The following RIC8B variants were observed in gnomAD, a reference collection of about 807,000 sequenced individuals.
The protein encoded by RIC8B is RIC8 guanine nucleotide exchange factor B, also known as chaperone Ric-8B.
Under a neutral mutation model 57.5 loss-of-function variants are expected in RIC8B, and 16 were observed. The ratio of observed to expected loss-of-function variants is 0.28; its 90% CI spans 0.19 to 0.42. The LOEUF (loss-of-function observed/expected upper bound fraction) is 0.42, where lower values mean the gene tolerates loss of function less well. Among genes scored for constraint, RIC8B ranks in the 10% least tolerant of loss-of-function variants. The probability of loss-of-function intolerance (pLI) is 1.00; values close to 1 mark genes in which losing one functional copy is unlikely to be tolerated. For synonymous variants in RIC8B, 216 were observed against 250.8 expected, an observed-to-expected ratio of 0.86 and a Z score of 1.31; for missense variants, 481 against 677.0, an observed-to-expected ratio of 0.71 and a Z score of 3.21.
intron 2 of RIC8B, among the ~76,000 whole-genome samples, chr12:106,787,171 A>G (rs1398965212): frequency 3.3e-5 from 5 of 152,214 alleles, no homozygotes; most frequent in Non-Finnish European, 7.3e-5. Flanking sequence ...ATTACCAGTT[A>G]CAGTGTGTAG....
At chr12:106,798,138 A>G (rs776845006) in intron 2 of RIC8B, 9 of 618,318 alleles carry the variant, frequency 1.5e-5, no homozygotes, top group African/African-American at 1.1e-4. Flanking sequence ...ACACTTAGGC[A>G]TATCGTAGAT....
rs758690591 is a variant in RIC8B at position 106,803,214 on chromosome 12, T to TAAAAAAAAAAAAAAAAAAAAAAAAAA, written c.133-11482_133-11481insAAAAAAAAAAAAAAAAAAAAAAAAAA. ...GTGACAAGAGTGATGATACCCTGTC[T>TAAAAAAAAAAAAAAAAAAAAAAAAAA]CAAAAAAAAAAAAAAAAAAAAAAAG... On this transcript the variant is annotated intron_variant, in intron 2 of 9. Transcript: ENST00000392837. 2.4e-5 allele frequency among the ~76,000 whole-genome samples: 2 copies of TAAAAAAAAAAAAAAAAAAAAAAAAAA among 84,276 alleles called. 1 individual carries two copies. 55.3% of individuals were successfully genotyped at this position (84,276 alleles called of 152,430 possible). A position where few individuals can be genotyped will look rare whatever the true frequency, so the allele number is the denominator to read the frequency against.
chr12:106,813,064 C>G (rs890510501), intron 2 of RIC8B, among the ~76,000 whole-genome samples: 1 of 151,512 alleles, frequency 6.6e-6, no homozygotes, highest in African/African-American at 2.4e-5. Flanking sequence ...ACTTTTCTGT[C>G]ATTATTCCTT....
chr12:106,868,073 A>G (rs1022530878), intron 8 of RIC8B, among the ~76,000 whole-genome samples: 2 of 152,202 alleles, frequency 1.3e-5, no homozygotes, highest in African/African-American at 4.8e-5. Flanking sequence ...ACCTTATGTA[A>G]AACAGACTTA....
intron 9 of RIC8B, among the ~76,000 whole-genome samples, chr12:106,882,707 A>G (rs766462792): frequency 1.3e-5 from 2 of 152,114 alleles, no homozygotes; most frequent in East Asian, 1.9e-4. Flanking sequence ...CATTTGCACA[A>G]TGCATGATTG....
At chr12:106,848,174 T>C (rs1949293149) in intron 6 of RIC8B, among the ~76,000 whole-genome samples, 1 of 152,186 alleles carries the variant, frequency 6.6e-6, no homozygotes, top group Non-Finnish European at 1.5e-5. Context: ...TGCAAGTTTC[T>C]AGAAAAAGAG....
chr12:106,850,040 G>A (rs1036032126), intron 6 of RIC8B, among the ~76,000 whole-genome samples: 16 of 152,228 alleles, frequency 1.1e-4, no homozygotes, highest in East Asian at 3.8e-4. Flanking sequence ...CTGCCTGAGC[G>A]CCGCCTACTG....
chr12:106,859,694 G>GGGTCTACCTTCGTAATGGGCTTCA (rs1193893285), intron 7 of RIC8B, among the ~76,000 whole-genome samples: 7 of 152,062 alleles, frequency 4.6e-5, no homozygotes. Context: ...TCTAACTCCT[G>GGGTCTACCTTCGTAATGGGCTTCA]GGTCTACCTT....
At chr12:106,838,450 A>T (rs935951299) in intron 4 of RIC8B, among the ~76,000 whole-genome samples, 1 of 151,798 alleles carries the variant, frequency 6.6e-6, no homozygotes, top group Non-Finnish European at 1.5e-5. Flanking sequence ...AGGTGGGAGG[A>T]TCACTTGAAC....
intron 9 of RIC8B, chr12:106,871,499 CCAAA>C (rs1950424387): frequency 9.7e-6 from 1 of 103,390 alleles, no homozygotes; most frequent in African/African-American, 3.8e-5. Flanking sequence ...AAAAAAAAAA[CCAAA>C]AAACTCCCCT....
chr12:106,781,397 T>C (rs1188243795), intron 1 of RIC8B, among the ~76,000 whole-genome samples: 1 of 152,154 alleles, frequency 6.6e-6, no homozygotes, highest in Non-Finnish European at 1.5e-5. Context: ...ATTTCAGCCT[T>C]AGAAAGGGGA....
At chr12:106,776,344 GATTT>G (rs965103036) in intron 1 of RIC8B, among the ~76,000 whole-genome samples, 5 of 152,166 alleles carry the variant, frequency 3.3e-5, no homozygotes, top group African/African-American at 1.2e-4. Flanking sequence ...GATTTAACCC[GATTT>G]ATTACTGCTT....
chr12:106,840,861 A>G (rs1444700207), intron 4 of RIC8B, among the ~76,000 whole-genome samples: 1 of 152,204 alleles, frequency 6.6e-6, no homozygotes, highest in African/African-American at 2.4e-5. Context: ...TCATACGGTC[A>G]GTGTATTTAA....
intron 1 of RIC8B, among the ~76,000 whole-genome samples, chr12:106,778,418 C>A (rs1254960797): frequency 6.6e-6 from 1 of 152,198 alleles, no homozygotes; most frequent in Non-Finnish European, 1.5e-5. Flanking sequence ...TAGGTCTCAG[C>A]ATAGGCAAGT....
intron 2 of RIC8B, among the ~76,000 whole-genome samples, chr12:106,794,896 C>T (rs1237672260): frequency 6.6e-6 from 1 of 152,044 alleles, no homozygotes; most frequent in East Asian, 1.9e-4. Flanking sequence ...CATAATTCTC[C>T]CATTTTCTGT....
chr12:106,861,721 T>C (rs1395974051), intron 8 of RIC8B, among the ~76,000 whole-genome samples: 7 of 152,126 alleles, frequency 4.6e-5, no homozygotes, highest in Admixed American at 4.6e-4. Context: ...TTTCATTCTA[T>C]AAACTATATT....
chr12:106,785,267 T>A (rs563885716), intron 2 of RIC8B, among the ~76,000 whole-genome samples: 34 of 152,326 alleles, frequency 2.2e-4, no homozygotes, highest in Non-Finnish European at 2.8e-4. Flanking sequence ...TTACTACTTT[T>A]GCAATATATT....
intron 4 of RIC8B, among the ~76,000 whole-genome samples, chr12:106,838,374 T>G (rs922780694): frequency 3.3e-5 from 5 of 151,962 alleles, no homozygotes; most frequent in African/African-American, 1.2e-4. Context: ...AATAAAACTC[T>G]TAGAAGAACA....
At chr12:106,838,696 A>G (rs2046728578) in intron 4 of RIC8B, among the ~76,000 whole-genome samples, 1 of 152,212 alleles carries the variant, frequency 6.6e-6, no homozygotes, top group South Asian at 2.1e-4. Flanking sequence ...ACATGAAACT[A>G]GAAAACTTCT....
Sources: gnomAD v4.1 joint callset for allele counts (sites outside exome capture counted in the v4.1 genomes callset) on GRCh38, gnomAD v4.1.1 for gene constraint, MANE v1.5 for transcripts, NCBI Gene and HGNC (gene_info 2026-07-23, HGNC 2026-07-21) for gene names.